The following GBF1 variants were observed in gnomAD, a reference collection of about 807,000 sequenced individuals.
The protein encoded by GBF1 is golgi brefeldin A resistant guanine nucleotide exchange factor 1, also known as Golgi-specific brefeldin A-resistance guanine nucleotide exchange factor 1.
A neutral mutation model predicts 210.5 loss-of-function variants in GBF1; 114 were observed. The observed-to-expected ratio is 0.54, with a 90% CI of 0.47 to 0.63. The LOEUF is 0.63. Among genes scored for constraint, GBF1 ranks in the 30% least tolerant of loss-of-function variants. The probability of loss-of-function intolerance (pLI) is 0.00; values close to 1 mark genes in which losing one functional copy is unlikely to be tolerated. For missense variants in GBF1, 1,851 were observed against 2,357.7 expected, an observed-to-expected ratio of 0.79 and a Z score of 4.45; for synonymous variants, 850 against 889.2, an observed-to-expected ratio of 0.96 and a Z score of 0.78.
intron 3 of GBF1, among the ~76,000 whole-genome samples, chr10:102,275,428 C>T (rs2074866794): frequency 6.6e-6 from 1 of 152,102 alleles, no homozygotes; most frequent in African/African-American, 2.4e-5. Context: ...CCTTTGGGAG[C>T]ATTGAGACCT....
At chr10:102,335,551 T>C (rs2134399713) in intron 3 of GBF1, among the ~76,000 whole-genome samples, 1 of 152,304 alleles carries the variant, frequency 6.6e-6, no homozygotes, top group South Asian at 2.1e-4. Context: ...ACCAGAAACC[T>C]TTCTGTTCTA....
rs190787461 is a variant in GBF1, at chr10:102,377,905, T to G, written c.4494+765T>G. On this transcript the variant is annotated intron_variant, in intron 33 of 39. Coordinates refer to ENST00000369983, the MANE Select transcript of GBF1 (RefSeq NM_001377137.1). ...TAAATTGATGGAGAACCAATTGCCT[T>G]AAATAGAATAACCATACAAAAATGA... 8.5e-4 allele frequency among the ~76,000 whole-genome samples: 130 copies of G among 152,152 alleles called. 2 individuals carry two copies. Among genetic ancestry groups the G allele is most frequent in the South Asian group, 3.1e-3 (15 of 4,818 alleles).
intron 3 of GBF1, among the ~76,000 whole-genome samples, chr10:102,342,073 G>A (rs2058221903): frequency 7.7e-6 from 1 of 129,882 alleles, no homozygotes; most frequent in East Asian, 2.2e-4. Flanking sequence ...GTCTTGTTCT[G>A]TCACCCAGGC....
Position 102,324,411 on chromosome 10 carries a change from G to T in GBF1, c.164-19640G>T, listed in dbSNP as rs549378082. 2.6e-5 allele frequency among the ~76,000 whole-genome samples: 4 copies of T among 152,238 alleles called. No homozygotes were observed. In the East Asian group the frequency reaches 7.7e-4, roughly 29 times the overall value. On this transcript the variant is annotated intron_variant, in intron 3 of 39. Transcript: ENST00000369983. ...CCAAGAAATATGAAATGAGTTATTTGTAAGAAGGAAAAAATGCCAGGCTTT... is the reference window on the plus strand; with the variant it reads ...CCAAGAAATATGAAATGAGTTATTTTTAAGAAGGAAAAAATGCCAGGCTTT...
intron 3 of GBF1, among the ~76,000 whole-genome samples, chr10:102,300,925 G>GT (rs1173308189): frequency 1.3e-5 from 2 of 149,042 alleles, no homozygotes; most frequent in African/African-American, 4.9e-5. Flanking sequence ...GCTAAGAGTA[G>GT]TTTGTTAGGA....
At chr10:102,327,052 T>A (rs1456088355) in intron 3 of GBF1, among the ~76,000 whole-genome samples, 2 of 152,212 alleles carry the variant, frequency 1.3e-5, no homozygotes, top group South Asian at 4.1e-4. Flanking sequence ...TACACTATTA[T>A]GTAGCTATGT....
At chr10:102,231,883 C>T in the GBF1 span, 6 of 1,562,332 alleles carry the variant, frequency 3.8e-6, no homozygotes, top group East Asian at 2.2e-5. Context: ...TGGCTCCCAC[C>T]GGGGCTGCCC....
Position 102,370,236 on chromosome 10 carries a change from G to A in GBF1, c.3402G>A (p.Glu1134=). ...SKFLQLESLQ[E]LMKALVSVTP... ...TCCTCCAGCTGGAGTCACTACAGGA[G>A]CTCATGAAGGTAAAGGATGAAGAAA... is the stretch of plus-strand genomic sequence containing the variant. Residue 1134 remains glutamate (E), a synonymous_variant, in exon 27 of 40, where the codon GAG becomes GAA. Coordinates refer to ENST00000369983, the MANE Select transcript of GBF1 (RefSeq NM_001377137.1). 1 of 1,607,026 alleles carries A rather than the reference G, an allele frequency of 6.2e-7. No individual in the cohort carries two copies. Among genetic ancestry groups the A allele is most frequent in the South Asian group, 1.1e-5 (1 of 90,928 alleles).
At chr10:102,320,458 T>C (rs2056295421) in intron 3 of GBF1, among the ~76,000 whole-genome samples, 1 of 152,206 alleles carries the variant, frequency 6.6e-6, no homozygotes, top group Admixed American at 6.5e-5. Context: ...AATGATCTTA[T>C]ATTAGTTCCT....
chr10:102,337,485 C>T (rs1205802418), intron 3 of GBF1, among the ~76,000 whole-genome samples: 1 of 151,946 alleles, frequency 6.6e-6, no homozygotes, highest in Admixed American at 6.6e-5. Context: ...GAACATCTCA[C>T]CAGGATTATA....
At position 102,359,447 on chromosome 10, in the gene GBF1, G is replaced by T; in HGVS notation, c.1180+12G>T. 4 of 1,605,860 alleles carry T rather than the reference G, an allele frequency of 2.5e-6. No homozygotes were observed. In the South Asian group the frequency reaches 4.4e-5, roughly 18 times the overall value. ...CTCCCAGAAAGAAGGTGGGTATTCT[G>T]GTAGGCTCTGCCAATTCACCTCCCC... On this transcript the variant is annotated intron_variant, in intron 11 of 39. Transcript: ENST00000369983.
At chr10:102,332,547 C>A (rs2057414552) in intron 3 of GBF1, among the ~76,000 whole-genome samples, 1 of 152,084 alleles carries the variant, frequency 6.6e-6, no homozygotes, top group South Asian at 2.1e-4. Flanking sequence ...CCATGCCCAA[C>A]TAATTTTTAT....
intron 3 of GBF1, among the ~76,000 whole-genome samples, chr10:102,317,746 C>T (rs78581064): frequency 0.01 from 1,560 of 152,264 alleles, 22 homozygotes; most frequent in African/African-American, 0.036. Context: ...AAATGGGAAT[C>T]ATATTCTATA....
chr10:102,382,375 A>G lies in GBF1; in HGVS notation c.*39A>G. 6.5e-7 allele frequency: 1 copy of G among 1,535,336 alleles called. No individual in the cohort carries two copies. The highest frequency in any genetic ancestry group is 1.2e-5 in the South Asian group (1 of 80,058). ...GAGATCAGGACCAGTGCTTCCCACCAGGCTTTCCTTGACCCCACTTCTGGC... is the reference window on the plus strand; with the variant it reads ...GAGATCAGGACCAGTGCTTCCCACCGGGCTTTCCTTGACCCCACTTCTGGC... On this transcript the variant is annotated 3_prime_UTR_variant, in exon 40 of 40. Coordinates refer to ENST00000369983, the MANE Select transcript of GBF1 (RefSeq NM_001377137.1).
Position 102,344,121 on chromosome 10 carries a change from T to C in GBF1, c.234T>C (p.Thr78=). ...FLEVIRSEDT[T]GPITGLALTS... ...AAGTGATTCGCTCTGAAGATACCAC[T>C]GGCCCTATCACTGGACTGGCACTCA... is the stretch of plus-strand genomic sequence containing the variant. Residue 78 remains threonine, a synonymous_variant, in exon 4 of 40, where the codon ACT becomes ACC. Coordinates refer to ENST00000369983, the MANE Select transcript of GBF1 (RefSeq NM_001377137.1). The C allele has an allele frequency of 1.2e-6, 2 of 1,612,178 alleles. No individual in the cohort carries two copies. Among genetic ancestry groups the C allele is most frequent in the Non-Finnish European group, 8.5e-7 (1 of 1,178,174 alleles).
chr10:102,231,002 C>G, the GBF1 span: 2 of 1,599,914 alleles, frequency 1.3e-6, no homozygotes, highest in East Asian at 4.5e-5. Flanking sequence ...TAGGGCGGCA[C>G]CAGCCCCCCG....
chr10:102,293,771 G>GTTTTTT (rs56722082), intron 3 of GBF1, among the ~76,000 whole-genome samples: 4 of 22,904 alleles, frequency 1.7e-4, no homozygotes, highest in Non-Finnish European at 2.9e-4. Context: ...TATGTTTTGT[G>GTTTTTT]TTTTTTTTTT....
Position 102,307,810 on chromosome 10 carries a change from A to C in GBF1, c.164-36241A>C, listed in dbSNP as rs564501434. Among the ~76,000 whole-genome samples, 124 of 152,240 alleles carry C rather than the reference A, an allele frequency of 8.1e-4. 3 individuals are homozygous for C. In the South Asian group the frequency reaches 0.023, roughly 28 times the overall value. On this transcript the variant is annotated intron_variant, in intron 3 of 39. Transcript: ENST00000369983. ...CGCCGTCTCAAAAAAAACAAAAAAA[A>C]CAAAAAATCAGATTTCCCAGTAGGA...
chr10:102,237,433 C>T, the GBF1 span, among the ~76,000 whole-genome samples: 1 of 152,012 alleles, frequency 6.6e-6, no homozygotes, highest in East Asian at 1.9e-4. Flanking sequence ...GTGTAGGCCA[C>T]GGGAGATCTG....
Sources: allele counts gnomAD v4.1 joint callset (sites outside exome capture counted in the v4.1 genomes callset), GRCh38; gene constraint gnomAD v4.1.1; transcripts MANE v1.5; gene names NCBI Gene and HGNC (gene_info 2026-07-23, HGNC 2026-07-21).